The following EGF variants were observed in gnomAD, a reference collection of about 807,000 sequenced individuals.
EGF encodes the protein epidermal growth factor.
EGF carries 95 observed loss-of-function variants against 143.8 expected under a neutral mutation model. That is an observed-to-expected ratio of 0.66 (90% CI 0.56 to 0.78). The LOEUF (loss-of-function observed/expected upper bound fraction) is 0.78, where lower values mean the gene tolerates loss of function less well. Among genes scored for constraint, EGF ranks in the 30% least tolerant of loss-of-function variants. EGF has a pLI of 0.00. For synonymous variants in EGF, 510 were observed against 510.5 expected, an observed-to-expected ratio of 1.00 and a Z score of 0.01; for missense variants, 1,320 against 1,470.9, an observed-to-expected ratio of 0.90 and a Z score of 1.68.
chr4:110,007,693 A>T (rs1753488700), intron 22 of EGF, among the ~76,000 whole-genome samples: 1 of 152,154 alleles, frequency 6.6e-6, no homozygotes, highest in Admixed American at 6.5e-5. Context: ...ACTACCTTTA[A>T]TGGCCCCAAA....
intron 5 of EGF, among the ~76,000 whole-genome samples, chr4:109,952,575 G>T (rs149873664): frequency 6.6e-6 from 1 of 152,210 alleles, no homozygotes; most frequent in East Asian, 1.9e-4. Context: ...GAAAAGAATC[G>T]TCCTAAAAAG....
chr4:109,947,163 C>A (rs28387677), intron 5 of EGF, among the ~76,000 whole-genome samples: 2,665 of 127,442 alleles, frequency 0.021, 85 homozygotes, highest in African/African-American at 0.09. Flanking sequence ...TTATGAAATA[C>A]CACAAGGGGC....
chr4:109,989,319 C>T (rs922810637), intron 18 of EGF, among the ~76,000 whole-genome samples: 6 of 152,170 alleles, frequency 3.9e-5, no homozygotes, highest in African/African-American at 1.2e-4. Flanking sequence ...ATGTCTCATA[C>T]GTTTCCAGGT....
chr4:109,964,558 C>G (rs1691599205), intron 10 of EGF, 21 bp downstream of exon 10: 1 of 1,613,458 alleles, frequency 6.2e-7, no homozygotes, highest in Non-Finnish European at 8.5e-7. Context: ...GTTACTTGAA[C>G]AGATGTGGAC....
chr4:109,940,828 A>G, intron 1 of EGF, 118 bp from the exon 2 acceptor site: 1 of 1,030,706 alleles, frequency 9.7e-7, no homozygotes, highest in African/African-American at 1.6e-5. Flanking sequence ...TTTATTTTAA[A>G]CAGAAAACCA....
At position 110,013,010 on chromosome 4, in the gene EGF, G is replaced by A. The variant is rs942440462; in HGVS notation, c.*1555G>A. ...ATAGGAATTTTGGTAAAGATTTGGTGATGGGAGGATGACTTGAGGTTTGTG... is the reference window on the plus strand; with the variant it reads ...ATAGGAATTTTGGTAAAGATTTGGTAATGGGAGGATGACTTGAGGTTTGTG... On this transcript the variant is annotated 3_prime_UTR_variant, in exon 24 of 24. Transcript: ENST00000265171. 6.6e-5 allele frequency among the ~76,000 whole-genome samples: 10 copies of A among 152,194 alleles called. 1 individual carries two copies. Among genetic ancestry groups the A allele is most frequent in the Admixed American group, 5.9e-4 (9 of 15,272 alleles).
chr4:109,944,387 C>G (rs565443571), intron 4 of EGF, among the ~76,000 whole-genome samples: 2 of 152,110 alleles, frequency 1.3e-5, no homozygotes, highest in Non-Finnish European at 2.9e-5. Context: ...TGCAGTGAGC[C>G]GATATCGTGC....
At chr4:110,005,476 C>A (rs1335581886) in intron 22 of EGF, among the ~76,000 whole-genome samples, 1 of 151,982 alleles carries the variant, frequency 6.6e-6, no homozygotes, top group Non-Finnish European at 1.5e-5. Flanking sequence ...ATATAGGATG[C>A]CTAGTTAAAT....
At position 109,913,191 on chromosome 4, in the gene EGF, A is replaced by T; in HGVS notation, c.-145A>T. The T allele has an allele frequency of 1.1e-6, 1 of 945,456 alleles. No homozygotes were observed. The highest frequency in any genetic ancestry group is 1.7e-6 in the Non-Finnish European group (1 of 604,496). 58.6% of individuals were successfully genotyped at this position (945,456 alleles called of 1,614,324 possible). A position where few individuals can be genotyped will look rare whatever the true frequency, so the allele number is the denominator to read the frequency against. On this transcript the variant is annotated 5_prime_UTR_variant, in exon 1 of 24. Transcript: ENST00000265171. ...TTGAAGAAAGAGCTTGGAGGACAAC[A>T]GCACAACAGGAGAGTAAAAGATGCC...
intron 14 of EGF, 45 bp downstream of exon 14, chr4:109,980,184 G>T (rs1749129185): frequency 6.5e-7 from 1 of 1,539,358 alleles, no homozygotes. Flanking sequence ...GCTGGAATCT[G>T]CAACTGTTTT....
intron 14 of EGF, 130 bp downstream of exon 14, chr4:109,980,269 G>T: frequency 1.1e-6 from 1 of 941,668 alleles, no homozygotes. Context: ...TAGATGTTAA[G>T]ATTTTCTAAG....
At chr4:109,979,092 C>A (rs139476697) in intron 13 of EGF, among the ~76,000 whole-genome samples, 1 of 152,320 alleles carries the variant, frequency 6.6e-6, no homozygotes, top group Non-Finnish European at 1.5e-5. Flanking sequence ...CTTCTCAGAG[C>A]AGTTCCAGTG....
At chr4:109,970,782 A>G (rs373054377) in intron 11 of EGF, among the ~76,000 whole-genome samples, 92 of 140,342 alleles carry the variant, frequency 6.6e-4, no homozygotes, top group South Asian at 3.2e-3. Context: ...CGGAGATCGC[A>G]CCACTGCACT....
At chr4:109,927,507 G>A (rs866714603) in intron 1 of EGF, among the ~76,000 whole-genome samples, 4 of 151,922 alleles carry the variant, frequency 2.6e-5, no homozygotes, top group African/African-American at 7.3e-5. Context: ...GGCGGATCAC[G>A]AGGTCAGGAG....
At chr4:109,914,232 C>T (rs745941524) in intron 1 of EGF, among the ~76,000 whole-genome samples, 1 of 152,206 alleles carries the variant, frequency 6.6e-6, no homozygotes, top group Non-Finnish European at 1.5e-5. Flanking sequence ...TTGGGTGAGC[C>T]TCCAACCTGC....
rs1749691370 is a variant in EGF at position 109,983,496 on chromosome 4, A to C, written c.2446A>C (p.Ile816Leu). 6.2e-7 allele frequency: 1 copy of C among 1,613,882 alleles called. No individual in the cohort carries two copies. Among genetic ancestry groups the C allele is most frequent in the Non-Finnish European group, 8.5e-7 (1 of 1,179,858 alleles). Residue 816 changes from isoleucine to leucine, a missense_variant, in exon 16 of 24, where the codon ATT (isoleucine) becomes CTT (leucine). Ile to Leu is a conservative substitution (Grantham distance 5). Transcript: ENST00000265171. The stretch of plus-strand genomic sequence containing the variant: ...CAAGACTAGAGTGTCAGAAGATAAC[A>C]TTACAGAATCTCAACACATGCTAGT... ...LSKTRVSEDN[I>L]TESQHMLVAE...
intron 1 of EGF, among the ~76,000 whole-genome samples, chr4:109,920,934 C>T (rs1737670976): frequency 6.6e-6 from 1 of 151,644 alleles, no homozygotes; most frequent in African/African-American, 2.4e-5. Flanking sequence ...ACACGGCCAT[C>T]CCAGGCCCTT....
rs934832944 is a variant in EGF, at chr4:110,012,161, A to C, written c.*706A>C. ...CTTGGTGTGATTGCACAGAATTTGT[A>C]TGTATTTTCAGTTACAAGATTGTAA... On this transcript the variant is annotated 3_prime_UTR_variant, in exon 24 of 24. Coordinates refer to ENST00000265171, the MANE Select transcript of EGF (RefSeq NM_001963.6). 4 of 152,190 alleles carry C rather than the reference A, an allele frequency of 2.6e-5. No individual in the cohort carries two copies. Among genetic ancestry groups the C allele is most frequent in the African/African-American group, 9.6e-5 (4 of 41,452 alleles). The allele number at this position is 152,190 out of a possible 1,614,324, so 9.4% of individuals were successfully genotyped here.
intron 15 of EGF, among the ~76,000 whole-genome samples, chr4:109,981,540 G>C (rs1388658753): frequency 2.0e-5 from 3 of 152,168 alleles, no homozygotes; most frequent in African/African-American, 7.2e-5. Context: ...TGCCTCCCTT[G>C]AATGTGCACC....
Sources: gnomAD v4.1 joint callset for allele counts (sites outside exome capture counted in the v4.1 genomes callset) on GRCh38, gnomAD v4.1.1 for gene constraint, MANE v1.5 for transcripts, NCBI Gene and HGNC (gene_info 2026-07-23, HGNC 2026-07-21) for gene names.